TESC: variants seen among roughly 807,000 people sequenced by gnomAD.
TESC encodes the protein calcineurin B homologous protein 3.
TESC carries 19 observed loss-of-function variants against 31.0 expected under a neutral mutation model. The ratio of observed to expected loss-of-function variants is 0.61; its 90% CI spans 0.43 to 0.90. The LOEUF (loss-of-function observed/expected upper bound fraction) is 0.90, where lower values mean the gene tolerates loss of function less well. Ranked by LOEUF, TESC falls within the 40% of genes least tolerant of loss-of-function variation. The probability of loss-of-function intolerance (pLI) is 0.00; values close to 1 mark genes in which losing one functional copy is unlikely to be tolerated. For synonymous variants in TESC, 109 were observed against 114.8 expected, an observed-to-expected ratio of 0.95 and a Z score of 0.32; for missense variants, 248 against 303.8, an observed-to-expected ratio of 0.82 and a Z score of 1.36.
At chr12:117,071,694 G>A (rs983214609) in intron 2 of TESC, among the ~76,000 whole-genome samples, 2 of 152,198 alleles carry the variant, frequency 1.3e-5, no homozygotes, top group African/African-American at 2.4e-5. Flanking sequence ...GGGTGTGCAG[G>A]AGAGGGGCAA....
At position 117,075,349 on chromosome 12, in the gene TESC, T is replaced by G. The variant is rs770975181; in HGVS notation, c.59-9A>C. 7 of 1,606,044 alleles carry G rather than the reference T, an allele frequency of 4.4e-6. No individual in the cohort carries two copies. Among genetic ancestry groups the G allele is most frequent in the East Asian group, 2.2e-5 (1 of 44,786 alleles). On this transcript the variant is annotated splice_polypyrimidine_tract_variant and intron_variant, in intron 1 of 7. Transcript: ENST00000335209. ...GATCTGATCCGATGAGACTGAGAAG[T>G]GGGGGAAAGAGAGAAAAACAAGACA...
At chr12:117,075,857 A>ATATATATGTG (rs1955047751) in intron 1 of TESC, among the ~76,000 whole-genome samples, 1 of 55,598 alleles carries the variant, frequency 1.8e-5, no homozygotes, top group African/African-American at 9.2e-5. Context: ...GTATATATAT[A>ATATATATGTG]TATATATATA....
At chr12:117,094,992 G>A (rs973927615) in intron 1 of TESC, among the ~76,000 whole-genome samples, 35 of 143,604 alleles carry the variant, frequency 2.4e-4, no homozygotes, top group African/African-American at 8.7e-4. Context: ...CTCCAGCTTG[G>A]GCAACAAGAG....
intron 4 of TESC, among the ~76,000 whole-genome samples, chr12:117,048,526 G>T (rs570908518): frequency 6.6e-6 from 1 of 152,286 alleles, no homozygotes; most frequent in East Asian, 1.9e-4. Flanking sequence ...CCACTCGGGA[G>T]CCAGAACATA....
intron 1 of TESC, among the ~76,000 whole-genome samples, chr12:117,075,877 A>ATG (rs1955052123): frequency 1.2e-3 from 11 of 9,144 alleles, no homozygotes; most frequent in Middle Eastern, 0.083. Flanking sequence ...ATATGTGTGT[A>ATG]TATATATATA....
chr12:117,053,898 T>C (rs16947275), intron 3 of TESC: 22,561 of 152,230 alleles, frequency 0.15, 1,798 homozygotes, highest in African/African-American at 0.2. Context: ...CTCTGGCTCA[T>C]CTGGGGACTG....
chr12:117,098,561 C>A (rs1259219620), intron 1 of TESC: 4 of 152,334 alleles, frequency 2.6e-5, no homozygotes, highest in African/African-American at 4.8e-5. Flanking sequence ...CCAGGGCTCC[C>A]CGCCTCCGGG....
chr12:117,051,915 C>T (rs1475406483), intron 3 of TESC, among the ~76,000 whole-genome samples: 2 of 152,190 alleles, frequency 1.3e-5, no homozygotes, highest in Admixed American at 6.5e-5. Context: ...TTGCTCTCCA[C>T]TCCATTTTTT....
chr12:117,053,744 G>A (rs925244632), intron 3 of TESC, among the ~76,000 whole-genome samples: 4 of 151,862 alleles, frequency 2.6e-5, no homozygotes, highest in African/African-American at 7.2e-5. Context: ...GCGTGCGCGC[G>A]CACGCGCACA....
chr12:117,075,927 A>G lies in TESC; in HGVS notation c.59-587T>C, dbSNP rs1481554664. ...TATATATATATATGTGTGTGTGTAT[A>G]TATATATATATATGTATATATACAT... On this transcript the variant is annotated intron_variant, in intron 1 of 7. Transcript: ENST00000335209. Among the ~76,000 whole-genome samples the G allele has an allele frequency of 1.3e-3, 127 of 98,970 alleles. 3 individuals carry two copies. The highest frequency in any genetic ancestry group is 1.7e-3 in the African/African-American group (36 of 21,248). 64.9% of individuals were successfully genotyped at this position (98,970 alleles called of 152,430 possible). A position where few individuals can be genotyped will look rare whatever the true frequency, so the allele number is the denominator to read the frequency against.
chr12:117,095,592 T>C (rs1955382318), intron 1 of TESC, among the ~76,000 whole-genome samples: 1 of 152,178 alleles, frequency 6.6e-6, no homozygotes, highest in Admixed American at 6.5e-5. Flanking sequence ...GAAAGCAGTC[T>C]TGGGGCCAGG....
chr12:117,080,784 C>A (rs575488741), intron 1 of TESC, among the ~76,000 whole-genome samples: 1 of 152,312 alleles, frequency 6.6e-6, no homozygotes, highest in Admixed American at 6.5e-5. Flanking sequence ...CACACCCGGG[C>A]TGACCCTGGG....
intron 2 of TESC, among the ~76,000 whole-genome samples, chr12:117,062,610 G>A (rs1954813841): frequency 6.6e-6 from 1 of 150,706 alleles, no homozygotes; most frequent in Non-Finnish European, 1.5e-5. Flanking sequence ...CCAGGCAGTG[G>A]CATGGTGGTT....
Position 117,056,872 on chromosome 12 carries a change from T to C in TESC, c.143A>G (p.Asn48Ser), listed in dbSNP as rs756125659. ...DQPTIRKENFNNVPDLELNPI... is the reference protein window; with the variant it reads ...DQPTIRKENFSNVPDLELNPI... ...GTTGAGCTCCAGGTCCGGGACATTG[T>C]TGAAGTTCTCCTTGCTGGTTTCCAA... Residue 48 changes from asparagine (N) to serine (S), a missense_variant, in exon 3 of 8, where the codon AAC (asparagine) becomes AGC (serine). Transcript: ENST00000335209. 3.1e-6 allele frequency: 5 copies of C among 1,613,996 alleles called. No individual in the cohort carries two copies. Among genetic ancestry groups the C allele is most frequent in the African/African-American group, 1.3e-5 (1 of 74,908 alleles).
intron 1 of TESC, among the ~76,000 whole-genome samples, chr12:117,096,746 C>T (rs765911322): frequency 6.6e-6 from 1 of 152,190 alleles, no homozygotes; most frequent in Non-Finnish European, 1.5e-5. Flanking sequence ...CCTGGCAAGG[C>T]CCCTGAAGCC....
intron 4 of TESC, among the ~76,000 whole-genome samples, chr12:117,047,122 G>A (rs1016884764): frequency 1.3e-5 from 2 of 152,222 alleles, no homozygotes; most frequent in East Asian, 1.9e-4. Flanking sequence ...GCGCTGTGGC[G>A]TTAGGGCCTG....
At chr12:117,042,386 G>A (rs1454166800) in intron 6 of TESC, among the ~76,000 whole-genome samples, 1 of 152,128 alleles carries the variant, frequency 6.6e-6, no homozygotes, top group Non-Finnish European at 1.5e-5. Context: ...CCAGCAGCTG[G>A]ACCACCAAGA....
chr12:117,075,875 GTATATATATATATATATATATATA>G (rs528031954), intron 1 of TESC, among the ~76,000 whole-genome samples: 5 of 62,534 alleles, frequency 8.0e-5, no homozygotes, highest in East Asian at 4.1e-4. Flanking sequence ...ATATATGTGT[GTATATATATATATATATATATATA>G]TATATATATA....
At position 117,038,968 on chromosome 12, in the gene TESC, C is replaced by A; in HGVS notation, c.*165G>T. On this transcript the variant is annotated 3_prime_UTR_variant, in exon 8 of 8. Transcript: ENST00000335209. ...TTTTTTTTATTGGAGATAAAAACAG[C>A]GAAGTCCCACATACCATACCCTACA... is the stretch of plus-strand genomic sequence containing the variant. 5.3e-6 allele frequency: 3 copies of A among 563,490 alleles called. No homozygotes were observed. The highest frequency in any genetic ancestry group is 3.2e-5 in the South Asian group (1 of 31,522). The allele number at this position is 563,490 out of a possible 1,614,324, so 34.9% of individuals were successfully genotyped here. A position where few individuals can be genotyped will look rare whatever the true frequency, so the allele number is the denominator to read the frequency against.
Sources: allele counts gnomAD v4.1 joint callset (sites outside exome capture counted in the v4.1 genomes callset), GRCh38; gene constraint gnomAD v4.1.1; transcripts MANE v1.5; gene names NCBI Gene and HGNC (gene_info 2026-07-23, HGNC 2026-07-21).